JMJD1C: variants seen among roughly 807,000 people sequenced by gnomAD.
JMJD1C encodes jumonji domain containing 1C.
JMJD1C carries 31 observed loss-of-function variants against 245.3 expected under a neutral mutation model. The ratio of observed to expected loss-of-function variants is 0.13; its 90% CI spans 0.09 to 0.17. The LOEUF (loss-of-function observed/expected upper bound fraction) is 0.17. Ranked by LOEUF, JMJD1C falls within the 10% of genes least tolerant of loss-of-function variation. JMJD1C has a pLI of 1.00. For missense variants in JMJD1C, 2,691 were observed against 3,000.2 expected (o/e 0.90, Z 2.41); for synonymous variants, 1,057 against 1,017.4 (o/e 1.04, Z -0.74).
intron 11 of JMJD1C, among the ~76,000 whole-genome samples, chr10:63,200,175 T>C (rs1209838495): frequency 6.6e-6 from 1 of 152,196 alleles, no homozygotes; most frequent in Non-Finnish European, 1.5e-5. Context: ...GTAATATTCA[T>C]ATTAAGTTAG....
At chr10:63,516,396 T>C (rs1308992095) in intron 1 of JMJD1C, among the ~76,000 whole-genome samples, 1 of 152,254 alleles carries the variant, frequency 6.6e-6, no homozygotes, top group Admixed American at 6.5e-5. Context: ...GTTGAAATTC[T>C]GCTTACTAGA....
chr10:63,314,801 C>T (rs946518907), intron 2 of JMJD1C, among the ~76,000 whole-genome samples: 9 of 152,090 alleles, frequency 5.9e-5, no homozygotes, highest in African/African-American at 2.2e-4. Flanking sequence ...GCATGCACCA[C>T]TACGCCTAGC....
intron 16 of JMJD1C, among the ~76,000 whole-genome samples, chr10:63,191,556 G>C (rs954643926): frequency 6.6e-6 from 1 of 152,184 alleles, no homozygotes; most frequent in African/African-American, 2.4e-5. Context: ...ACACAAACCT[G>C]AGGATGAGTG....
intron 1 of JMJD1C, among the ~76,000 whole-genome samples, chr10:63,459,141 G>T (rs1354998246): frequency 6.6e-6 from 1 of 152,156 alleles, no homozygotes; most frequent in Non-Finnish European, 1.5e-5. Flanking sequence ...GAAGGATTTA[G>T]AACAGAACCC....
intron 3 of JMJD1C, among the ~76,000 whole-genome samples, chr10:63,254,643 C>A (rs1853593362): frequency 6.6e-6 from 1 of 151,992 alleles, no homozygotes; most frequent in Non-Finnish European, 1.5e-5. Context: ...TGGGCTCAAG[C>A]AATCCTCCCA....
intron 2 of JMJD1C, among the ~76,000 whole-genome samples, chr10:63,267,625 C>A (rs191342248): frequency 1.6e-4 from 24 of 152,154 alleles, no homozygotes; most frequent in African/African-American, 5.3e-4. Context: ...TAGAATATGG[C>A]CCTAATCACA....
rs777175851 is a variant in JMJD1C, at chr10:63,207,624, C to T, written c.4045G>A (p.Gly1349Arg). The T allele has an allele frequency of 1.3e-5, 21 of 1,614,002 alleles. No homozygotes were observed. Among genetic ancestry groups the T allele is most frequent in the Admixed American group, 8.3e-5 (5 of 59,998 alleles). Residue 1349 changes from glycine to arginine, a missense_variant, in exon 10 of 26, where the codon GGA becomes AGA. By Grantham distance (125) the Gly-to-Arg change is moderately radical. Coordinates refer to ENST00000399262, the MANE Select transcript of JMJD1C (RefSeq NM_032776.3). ...GGCAAAATGATTCTTCCAGTTTCTC[C>T]GGCTTCTGCTAGTTTGAGGCAATCT... ...KTDCLKLAEA[G>R]ETGRIILPNV...
At chr10:63,453,444 G>A (rs557836823) in intron 1 of JMJD1C, among the ~76,000 whole-genome samples, 64 of 151,832 alleles carry the variant, frequency 4.2e-4, no homozygotes, top group Non-Finnish European at 8.7e-4. Context: ...CTGATCTTGC[G>A]GTACAAGAAA....
intron 16 of JMJD1C, among the ~76,000 whole-genome samples, chr10:63,191,759 CG>C (rs1844833299): frequency 1.3e-5 from 2 of 151,614 alleles, no homozygotes; most frequent in South Asian, 4.2e-4. Flanking sequence ...CTGAGGCAGG[CG>C]GATCACTTGA....
In JMJD1C at chr10:63,176,307, G is replaced by A; in HGVS notation, c.7391C>T (p.Ala2464Val). 16 of 1,611,398 alleles carry A rather than the reference G, an allele frequency of 9.9e-6. No individual in the cohort carries two copies. The highest frequency in any genetic ancestry group is 1.4e-5 in the Non-Finnish European group (16 of 1,178,552). ...TAAGTTTGTATATACCTGATGAAGT[G>A]CTCCCGCTGGCAAAACAATAGCATC... ...LGDAIVLPAG[A>V]LHQVQNFHSC... The change falls in exon 24 of 26, where the codon GCA becomes GTA. Residue 2464 changes from alanine (A) to valine (V), a missense_variant. Ala to Val is a moderately conservative substitution (Grantham distance 64, BLOSUM62 0). Coordinates refer to ENST00000399262, the MANE Select transcript of JMJD1C (RefSeq NM_032776.3).
At chr10:63,292,144 A>ATTTGTTTTTTT (rs1858837827) in intron 2 of JMJD1C, among the ~76,000 whole-genome samples, 1 of 56,326 alleles carries the variant, frequency 1.8e-5, no homozygotes, top group Non-Finnish European at 3.2e-5. Context: ...GTAGAGACAG[A>ATTTGTTTTTTT]TTTTTTTTTT....
At chr10:63,327,442 C>A (rs1941648483) in intron 2 of JMJD1C, among the ~76,000 whole-genome samples, 1 of 152,064 alleles carries the variant, frequency 6.6e-6, no homozygotes, top group South Asian at 2.1e-4. Flanking sequence ...ATTTCCCCCA[C>A]CCCCAAGTAA....
At position 63,194,359 on chromosome 10, in the gene JMJD1C, A is replaced by C. The variant is rs1845197780; in HGVS notation, c.5661T>G (p.Ala1887=). Residue 1887 remains alanine, a synonymous_variant, in exon 14 of 26, where the codon GCT becomes GCG. Coordinates refer to ENST00000399262, the MANE Select transcript of JMJD1C (RefSeq NM_032776.3). ...GCTGTCCCTTCACACACTTCATCCA[A>C]GCATATAGTTCTTTATCTGTAAGAT... ...RKSSRDKELY[A]WMKCVKGQPH... is the part of the protein sequence containing the mutation. 1 of 1,610,448 alleles carries C rather than the reference A, an allele frequency of 6.2e-7. No homozygotes were observed.
At chr10:63,458,538 G>C (rs953009405) in intron 1 of JMJD1C, among the ~76,000 whole-genome samples, 5 of 150,250 alleles carry the variant, frequency 3.3e-5, no homozygotes, top group Admixed American at 2.7e-4. Flanking sequence ...TCTGAAATTA[G>C]GCAGACATAT....
At chr10:63,222,952 A>T (rs1426379713) in intron 3 of JMJD1C, 14 of 1,481,832 alleles carry the variant, frequency 9.4e-6, no homozygotes, top group Admixed American at 1.7e-5. Context: ...TAATTCAAAT[A>T]TTGGAGATAA....
chr10:63,363,840 C>T (rs1002911558), intron 2 of JMJD1C, among the ~76,000 whole-genome samples: 1 of 150,968 alleles, frequency 6.6e-6, no homozygotes, highest in Non-Finnish European at 1.5e-5. Context: ...GTACACGCCA[C>T]CATGCCTGGC....
At chr10:63,443,436 G>A (rs1445631904) in intron 1 of JMJD1C, among the ~76,000 whole-genome samples, 2 of 152,198 alleles carry the variant, frequency 1.3e-5, no homozygotes, top group African/African-American at 2.4e-5. Flanking sequence ...TCAGCCTCCC[G>A]AGTAGCTGGG....
At chr10:63,339,623 T>TTA (rs67258308) in intron 2 of JMJD1C, among the ~76,000 whole-genome samples, 2 of 150,540 alleles carry the variant, frequency 1.3e-5, no homozygotes, top group Non-Finnish European at 3.0e-5. Flanking sequence ...ATCTCTAATT[T>TTA]AAAAAAAAAA....
At position 63,310,140 on chromosome 10, in the gene JMJD1C, A is replaced by G. The variant is rs576261256; in HGVS notation, c.334-45376T>C. Among the ~76,000 whole-genome samples, 163 of 152,344 alleles carry G rather than the reference A, an allele frequency of 1.1e-3. 1 individual carries two copies. The highest frequency in any genetic ancestry group is 3.8e-3 in the African/African-American group (157 of 41,578). On this transcript the variant is annotated intron_variant, in intron 2 of 25. Coordinates refer to ENST00000399262, the MANE Select transcript of JMJD1C (RefSeq NM_032776.3). ...ATAGAAAAAAGCGTAAACCCTATCT[A>G]ACAGCATAATACAAGACTCCAAACA...
Sources: gnomAD v4.1 joint callset for allele counts (sites outside exome capture counted in the v4.1 genomes callset) on GRCh38, gnomAD v4.1.1 for gene constraint, MANE v1.5 for transcripts, NCBI Gene and HGNC (gene_info 2026-07-23, HGNC 2026-07-21) for gene names.